Variants in EFR3B observed in about 807,000 individuals in gnomAD.
The protein encoded by EFR3B is EFR3 homolog B, also known as protein EFR3 homolog B.
Under a neutral mutation model 104.7 loss-of-function variants are expected in EFR3B, and 64 were observed. The observed-to-expected ratio is 0.61, with a 90% confidence interval of 0.50 to 0.75. The LOEUF is 0.75. Among genes scored for constraint, EFR3B ranks in the 30% least tolerant of loss-of-function variants. The probability of loss-of-function intolerance (pLI) is 0.00; values close to 1 mark genes in which losing one functional copy is unlikely to be tolerated. For synonymous variants in EFR3B, 385 were observed against 417.9 expected (o/e 0.92, Z 0.96); for missense variants, 750 against 1,078.5 (o/e 0.70, Z 4.27).
rs1159007907 is a variant in EFR3B, at chr2:25,042,741, G to T, written c.7+422G>T. ...ACGCCCGCGGCCGGTCGTCTGCGCG[G>T]CTCGGAGAAGGCGGGAGGCGGCGCC... On this transcript the variant is annotated intron_variant, in intron 1 of 22. Transcript: ENST00000403714. This position sits in a 1 kb window ranked among gnomAD's most constrained non-coding sequence, Gnocchi z 5.4. The T allele has an allele frequency of 8.2e-6, 8 of 979,972 alleles. No individual in the cohort carries two copies. Among genetic ancestry groups the T allele is most frequent in the Non-Finnish European group, 2.4e-6 (2 of 823,558 alleles). The allele number at this position is 979,972 out of a possible 1,614,324, so 60.7% of individuals were successfully genotyped here.
chr2:25,150,576 A>AAC (rs1177002073), intron 20 of EFR3B, among the ~76,000 whole-genome samples: 1 of 151,818 alleles, frequency 6.6e-6, no homozygotes, highest in African/African-American at 2.4e-5. Context: ...TGTCATCATT[A>AAC]ATGATAGTCT....
intron 3 of EFR3B, among the ~76,000 whole-genome samples, chr2:25,097,501 G>A (rs1339550196): frequency 6.6e-6 from 1 of 152,142 alleles, no homozygotes; most frequent in East Asian, 1.9e-4. Context: ...AACCTTGGAT[G>A]CTGGACCCAG....
At chr2:25,082,542 A>G (rs968614646) in intron 1 of EFR3B, among the ~76,000 whole-genome samples, 1 of 152,244 alleles carries the variant, frequency 6.6e-6, no homozygotes, top group Non-Finnish European at 1.5e-5. Context: ...CTGTCTTGCA[A>G]ACACCCAGAG....
intron 4 of EFR3B, among the ~76,000 whole-genome samples, chr2:25,108,724 C>T (rs1374248013): frequency 3.3e-5 from 5 of 152,108 alleles, no homozygotes; most frequent in Non-Finnish European, 7.4e-5. Flanking sequence ...TTTGTCTGGG[C>T]ACAGTGGCTT....
rs199904420 is a variant in EFR3B at position 25,131,920 on chromosome 2, CG to C, written c.1147+13del. ...CGTCATCAAGACCGTGGGTGCGGCGCGGGGCCGGGCCGGGGCGGGGCGGGGC... is the reference window on the plus strand; with the variant it reads ...CGTCATCAAGACCGTGGGTGCGGCGCGGGCCGGGCCGGGGCGGGGCGGGGC... On this transcript the variant is annotated intron_variant, in intron 10 of 22. Coordinates refer to ENST00000403714, the MANE Select transcript of EFR3B (RefSeq NM_014971.2). The surrounding 1 kb of genome is among the most constrained non-coding windows in gnomAD (Gnocchi z 7.6). 1.9e-6 allele frequency: 2 copies of C among 1,078,882 alleles called. No homozygotes were observed. The highest frequency in any genetic ancestry group is 2.2e-5 in the South Asian group (1 of 45,242). The allele number at this position is 1,078,882 out of a possible 1,614,324, so 66.8% of individuals were successfully genotyped here.
chr2:25,049,037 A>C (rs1667796433), intron 1 of EFR3B, among the ~76,000 whole-genome samples: 1 of 152,218 alleles, frequency 6.6e-6, no homozygotes, highest in African/African-American at 2.4e-5. Context: ...TAGCCCTTCA[A>C]ATGGATTGGT....
intron 13 of EFR3B, 103 bp downstream of exon 13, chr2:25,135,742 TATCTGAGTATTGTGGG>T: frequency 1.5e-6 from 2 of 1,315,422 alleles, no homozygotes; most frequent in South Asian, 2.8e-5. Context: ...CCCACCTCAG[TATCTGAGTATTGTGGG>T]ATCTGAGTAT....
In EFR3B at chr2:25,136,544, C is replaced by T. The variant is rs1220805981; in HGVS notation, c.1506C>T (p.Val502=). ...CCAGTACCCTCAGTGACATCTCTGT[C>T]CTGAAGCTGAAAGTGGACAAGTGCT... ...STISTLSDIS[V]LKLKVDKCSR... is the part of the protein sequence containing the mutation. The change falls in exon 14 of 23, where the codon GTC becomes GTT. Residue 502 remains valine (V), a synonymous_variant. Coordinates refer to ENST00000403714, the MANE Select transcript of EFR3B (RefSeq NM_014971.2). This position sits in a 1 kb window ranked among gnomAD's most constrained non-coding sequence, Gnocchi z 4.0. The T allele has an allele frequency of 6.4e-7, 1 of 1,551,486 alleles. No homozygotes were observed. Among genetic ancestry groups the T allele is most frequent in the Non-Finnish European group, 8.7e-7 (1 of 1,146,926 alleles).
Position 25,133,442 on chromosome 2 carries a change from C to T in EFR3B, c.1311+8C>T, listed in dbSNP as rs1441669785. ...CTAAAATCCCTCCTGCAGGTGAGCC[C>T]CATCTATCCCCATTCCTGCTCTTCC... On this transcript the variant is annotated splice_region_variant and intron_variant, in intron 12 of 22. Transcript: ENST00000403714. 7.1e-6 allele frequency: 11 copies of T among 1,552,328 alleles called. No homozygotes were observed. Among genetic ancestry groups the T allele is most frequent in the Admixed American group, 2.0e-5 (1 of 51,006 alleles).
rs369688644 is a variant in EFR3B at position 25,143,798 on chromosome 2, A to T, written c.1986A>T (p.Glu662Asp). The T allele has an allele frequency of 6.0e-5, 93 of 1,551,652 alleles. No individual in the cohort carries two copies. In the East Asian group the frequency reaches 1.3e-3, roughly 21 times the overall value. Residue 662 changes from glutamate to aspartate, a missense_variant, in exon 18 of 23, where the codon GAA becomes GAT. Transcript: ENST00000403714. ...ELLFRQSKIS[E>D]VLGGSGYNSD... The stretch of plus-strand genomic sequence containing the variant: ...TCTTCCGCCAGAGCAAGATCAGTGA[A>T]GTCCTGGGAGGCAGTGGCTACAACT...
chr2:25,052,775 T>A (rs1667913614), intron 1 of EFR3B, among the ~76,000 whole-genome samples: 1 of 152,252 alleles, frequency 6.6e-6, no homozygotes, highest in Non-Finnish European at 1.5e-5. Context: ...AGTGCTGGGA[T>A]TACAGGCATG....
At chr2:25,110,800 G>T (rs1406716653) in intron 4 of EFR3B, among the ~76,000 whole-genome samples, 1 of 152,186 alleles carries the variant, frequency 6.6e-6, no homozygotes, top group Non-Finnish European at 1.5e-5. Flanking sequence ...TCTAAATCCA[G>T]ATTTCCCTAA....
chr2:25,043,780 T>TC (rs57601130), intron 1 of EFR3B, among the ~76,000 whole-genome samples: 29,828 of 152,146 alleles, frequency 0.2, 3,106 homozygotes, highest in East Asian at 0.25. Flanking sequence ...CTCTCTGTTT[T>TC]CCCCCTCTTC....
chr2:25,090,754 GA>G (rs1669089163), intron 1 of EFR3B, among the ~76,000 whole-genome samples: 1 of 152,166 alleles, frequency 6.6e-6, no homozygotes, highest in Non-Finnish European at 1.5e-5. Context: ...TTCTATAATG[GA>G]AATGGCTCCA....
At chr2:25,080,021 C>T (rs1328479965) in intron 1 of EFR3B, 1 of 909,858 alleles carries the variant, frequency 1.1e-6, no homozygotes, top group Non-Finnish European at 1.8e-6. Flanking sequence ...GAATTTTAAG[C>T]CCACTGTCTG....
intron 1 of EFR3B, among the ~76,000 whole-genome samples, chr2:25,088,827 G>T (rs1669032187): frequency 6.6e-6 from 1 of 152,198 alleles, no homozygotes; most frequent in Non-Finnish European, 1.5e-5. Flanking sequence ...GCCCTCAGAG[G>T]GCTGAAGAGG....
rs1246561102 is a variant in EFR3B, at chr2:25,139,124, C to T, written c.1788C>T (p.Gly596=). ...ACCGCTGTGCCCTCTATGCTCTGGG[C>T]GCAGCCTACCTGAACCTCATCAGTC... ...VYNRCALYAL[G]AAYLNLISQL... Residue 596 remains glycine, a synonymous_variant, in exon 16 of 23, where the codon GGC becomes GGT. Coordinates refer to ENST00000403714, the MANE Select transcript of EFR3B (RefSeq NM_014971.2). 48 of 1,551,578 alleles carry T rather than the reference C, an allele frequency of 3.1e-5. No individual in the cohort carries two copies. Among genetic ancestry groups the T allele is most frequent in the Non-Finnish European group, 3.8e-5 (44 of 1,146,998 alleles).
chr2:25,126,129 G>T (rs184936933), intron 5 of EFR3B, among the ~76,000 whole-genome samples: 1 of 152,314 alleles, frequency 6.6e-6, no homozygotes, highest in Admixed American at 6.5e-5. Flanking sequence ...ATTCTCCTGC[G>T]GCTTGCGCAT....
At chr2:25,056,430 C>T (rs1668023678) in intron 1 of EFR3B, among the ~76,000 whole-genome samples, 1 of 108,834 alleles carries the variant, frequency 9.2e-6, no homozygotes, top group African/African-American at 3.5e-5. Context: ...ATTCATATTA[C>T]TTGTGCTTTT....
Sources: allele counts gnomAD v4.1 joint callset (sites outside exome capture counted in the v4.1 genomes callset), GRCh38; gene constraint gnomAD v4.1.1; non-coding constraint Gnocchi (gnomAD v3.1); transcripts MANE v1.5; gene names NCBI Gene and HGNC (gene_info 2026-07-23, HGNC 2026-07-21).